FAM78B: variants seen among roughly 807,000 people sequenced by gnomAD.
FAM78B encodes protein FAM78B.
FAM78B carries 10 observed loss-of-function variants against 20.0 expected under a neutral mutation model. That is an observed-to-expected ratio of 0.50 (90% CI 0.31 to 0.85). The LOEUF (loss-of-function observed/expected upper bound fraction) is 0.85, where lower values mean the gene tolerates loss of function less well. Among genes scored for constraint, FAM78B ranks in the 40% least tolerant of loss-of-function variants. FAM78B has a pLI of 0.05. For synonymous variants in FAM78B, 135 were observed against 132.8 expected (o/e 1.02, Z -0.12); for missense variants, 283 against 345.0 (o/e 0.82, Z 1.42).
chr1:166,059,914 A>G (rs897144350), exon 3 of FAM78B: 4 of 152,236 alleles, frequency 2.6e-5, no homozygotes, highest in Non-Finnish European at 5.9e-5. Context: ...ATGGAAATGG[A>G]TTTTGTGTTG....
intron 2 of FAM78B, among the ~76,000 whole-genome samples, chr1:166,061,174 A>AT (rs1231158865): frequency 6.6e-6 from 1 of 152,250 alleles, no homozygotes; most frequent in African/African-American, 2.4e-5. Context: ...ACATTAGAGA[A>AT]AACTGAAGTT....
intron 1 of FAM78B, among the ~76,000 whole-genome samples, chr1:166,122,542 A>G (rs1654500832): frequency 6.6e-6 from 1 of 152,238 alleles, no homozygotes; most frequent in African/African-American, 2.4e-5. Flanking sequence ...GCCTCAGAAT[A>G]GAGATTTGCT....
chr1:166,130,035 T>C (rs1305704120), intron 1 of FAM78B, among the ~76,000 whole-genome samples: 1 of 152,252 alleles, frequency 6.6e-6, no homozygotes, highest in East Asian at 1.9e-4. Context: ...TATACCAGCC[T>C]ATCTCTGTCT....
chr1:166,127,302 T>C (rs370603444), intron 1 of FAM78B, among the ~76,000 whole-genome samples: 3 of 152,214 alleles, frequency 2.0e-5, no homozygotes, highest in Non-Finnish European at 2.9e-5. Context: ...AGACAGAGAC[T>C]GCATATATAT....
At chr1:166,097,559 C>A (rs759769842) in intron 1 of FAM78B, among the ~76,000 whole-genome samples, 1 of 99,282 alleles carries the variant, frequency 1.0e-5, no homozygotes, top group South Asian at 4.1e-4. Context: ...GGGACTGAGA[C>A]CAACCAGCCC....
At chr1:166,100,121 C>T (rs560985499) in intron 1 of FAM78B, among the ~76,000 whole-genome samples, 1 of 152,164 alleles carries the variant, frequency 6.6e-6, no homozygotes, top group Admixed American at 6.5e-5. Flanking sequence ...TCAAAACCAT[C>T]CAAATACATG....
At chr1:166,125,181 G>A (rs1005401007) in intron 1 of FAM78B, among the ~76,000 whole-genome samples, 1 of 151,944 alleles carries the variant, frequency 6.6e-6, no homozygotes, top group African/African-American at 2.4e-5. Context: ...TAACTAAATT[G>A]AGCTAATCCC....
At chr1:166,079,772 T>C (rs966907230) in intron 1 of FAM78B, among the ~76,000 whole-genome samples, 1 of 152,208 alleles carries the variant, frequency 6.6e-6, no homozygotes, top group Non-Finnish European at 1.5e-5. Context: ...CCTCTGTTAG[T>C]CTGACCTATA....
At chr1:166,152,435 C>A (rs1655711710) in intron 1 of FAM78B, among the ~76,000 whole-genome samples, 1 of 152,120 alleles carries the variant, frequency 6.6e-6, no homozygotes, top group Non-Finnish European at 1.5e-5. Flanking sequence ...ATTAATTGTT[C>A]TCTTTTCCGT....
At chr1:166,113,896 G>T (rs1654157887) in intron 1 of FAM78B, among the ~76,000 whole-genome samples, 1 of 152,122 alleles carries the variant, frequency 6.6e-6, no homozygotes, top group Admixed American at 6.5e-5. Flanking sequence ...TCTTCGCAGG[G>T]GCAGTGTCAG....
chr1:166,087,931 C>A lies in FAM78B; in HGVS notation c.264-17168G>T, dbSNP rs149009129. Among the ~76,000 whole-genome samples the A allele has an allele frequency of 5.8e-4, 88 of 152,264 alleles. 1 individual carries two copies. Among genetic ancestry groups the A allele is most frequent in the Non-Finnish European group, 8.5e-4 (58 of 68,020 alleles). ...GCAAGGAGGAATGGGAGGAGTGCCG[C>A]TCAGGCTGGAGAGCATTCTGGGGTG... is the stretch of plus-strand genomic sequence containing the variant. On this transcript the variant is annotated intron_variant, in intron 1 of 1. Transcript: ENST00000354422.
chr1:166,138,809 A>T (rs1655169425), intron 1 of FAM78B, among the ~76,000 whole-genome samples: 1 of 152,248 alleles, frequency 6.6e-6, no homozygotes, highest in African/African-American at 2.4e-5. Flanking sequence ...TGTTGTATTC[A>T]TTACTGCATC....
intron 1 of FAM78B, among the ~76,000 whole-genome samples, chr1:166,084,960 CTTAT>C (rs1227466336): frequency 6.6e-6 from 1 of 152,214 alleles, no homozygotes; most frequent in Non-Finnish European, 1.5e-5. Flanking sequence ...TGCCTTTCTT[CTTAT>C]TTTTTTCCCT....
At chr1:166,103,345 A>G (rs1265439293) in intron 1 of FAM78B, among the ~76,000 whole-genome samples, 1 of 152,206 alleles carries the variant, frequency 6.6e-6, no homozygotes, top group Non-Finnish European at 1.5e-5. Flanking sequence ...GCAAGAAATA[A>G]CTAAGATCAG....
chr1:166,149,407 T>C (rs1318535983), intron 1 of FAM78B, among the ~76,000 whole-genome samples: 2 of 152,202 alleles, frequency 1.3e-5, no homozygotes, highest in African/African-American at 2.4e-5. Flanking sequence ...TTCTCACCTG[T>C]AAAGTCAAGG....
At chr1:166,062,607 A>G (rs1033372490) in intron 2 of FAM78B, among the ~76,000 whole-genome samples, 1 of 152,244 alleles carries the variant, frequency 6.6e-6, no homozygotes, top group Non-Finnish European at 1.5e-5. Flanking sequence ...GTGCGTGTAC[A>G]AAGAAATGGG....
rs1352082089 is a variant in FAM78B, at chr1:166,166,625, G to A, written c.-377C>T. On this transcript the variant is annotated 5_prime_UTR_variant, in exon 1 of 2. Coordinates refer to ENST00000354422, the MANE Select transcript of FAM78B (RefSeq NM_001017961.5). The stretch of plus-strand genomic sequence containing the variant: ...CCCCCCGCCCCTCGCCGGAGAGGAG[G>A]AGGCGGCAGCGGCGGCGGCATGGAG... 6.6e-6 allele frequency: 1 copy of A among 150,710 alleles called. No individual in the cohort carries two copies. Among genetic ancestry groups the A allele is most frequent in the African/African-American group, 2.4e-5 (1 of 41,222 alleles). The allele number at this position is 150,710 out of a possible 1,614,324, so 9.3% of individuals were successfully genotyped here.
chr1:166,078,927 G>GT (rs11345450), intron 1 of FAM78B, among the ~76,000 whole-genome samples: 28,061 of 135,180 alleles, frequency 0.21, 3,179 homozygotes, highest in Non-Finnish European at 0.25. Flanking sequence ...GGCCTTACAT[G>GT]TTTTTTTTTT....
intron 1 of FAM78B, among the ~76,000 whole-genome samples, chr1:166,119,073 GGAGA>G (rs149111581): frequency 6.6e-6 from 1 of 151,632 alleles, no homozygotes; most frequent in African/African-American, 2.4e-5. Context: ...AGTAGGAGTA[GGAGA>G]GAGAGAGAGA....
Sources: allele counts gnomAD v4.1 joint callset (sites outside exome capture counted in the v4.1 genomes callset), GRCh38; gene constraint gnomAD v4.1.1; transcripts MANE v1.5; gene names NCBI Gene and HGNC (gene_info 2026-07-23, HGNC 2026-07-21).